Variants in RALYL observed in about 807,000 individuals in gnomAD.
The protein encoded by RALYL is RALY RNA binding protein like, also known as RNA-binding Raly-like protein.
RALYL carries 29 observed loss-of-function variants against 35.1 expected under a neutral mutation model. The ratio of observed to expected loss-of-function variants is 0.83; its 90% CI spans 0.61 to 1.13. RALYL has a LOEUF of 1.13. Among genes scored for constraint, RALYL ranks in the 50% most tolerant of loss-of-function variants. The pLI, the probability that RALYL is intolerant of heterozygous loss-of-function variation, is 0.00. For synonymous variants in RALYL, 120 were observed against 127.6 expected (o/e 0.94, Z 0.40); for missense variants, 359 against 360.4 (o/e 1.00, Z 0.03).
chr8:84,571,546 C>T lies in RALYL; in HGVS notation c.256+41969C>T, dbSNP rs374138984. Among the ~76,000 whole-genome samples the T allele has an allele frequency of 7.3e-5, 11 of 151,698 alleles. 1 individual carries two copies. The South Asian group carries it at 1.7e-3, about 23-fold the overall frequency. On this transcript the variant is annotated intron_variant, in intron 2 of 8. Coordinates refer to ENST00000521268, the MANE Select transcript of RALYL (RefSeq NM_173848.7). ...GTAGTGGTCTATCAATTTTGTTTATCCTTTCAAAGAACCAACTTTTTCTTT... is the reference window on the plus strand; with the variant it reads ...GTAGTGGTCTATCAATTTTGTTTATTCTTTCAAAGAACCAACTTTTTCTTT...
At chr8:84,189,864 A>G (rs1439432566) in intron 1 of RALYL, among the ~76,000 whole-genome samples, 1 of 152,204 alleles carries the variant, frequency 6.6e-6, no homozygotes, top group Non-Finnish European at 1.5e-5. Flanking sequence ...AAACAAAAGA[A>G]TATTGCCCCA....
chr8:84,622,763 A>G (rs1821828714), intron 2 of RALYL, among the ~76,000 whole-genome samples: 1 of 152,224 alleles, frequency 6.6e-6, no homozygotes, highest in Non-Finnish European at 1.5e-5. Flanking sequence ...GCCCATGTAG[A>G]AAATAATGGG....
chr8:84,741,940 A>ATT (rs549966342), intron 2 of RALYL, among the ~76,000 whole-genome samples: 9 of 146,380 alleles, frequency 6.1e-5, no homozygotes, highest in African/African-American at 2.0e-4. Context: ...TTCCAGGGCC[A>ATT]TTTTTTTTTT....
intron 1 of RALYL, among the ~76,000 whole-genome samples, chr8:84,436,512 A>C (rs2047725718): frequency 6.6e-6 from 1 of 150,640 alleles, no homozygotes; most frequent in Non-Finnish European, 1.5e-5. Flanking sequence ...AGAGGCACTA[A>C]AAAGAGAGTG....
intron 2 of RALYL, among the ~76,000 whole-genome samples, chr8:84,691,561 C>T (rs1838053902): frequency 6.6e-6 from 1 of 151,984 alleles, no homozygotes; most frequent in Non-Finnish European, 1.5e-5. Flanking sequence ...AGCACAGCCC[C>T]ATTTAATTAA....
intron 3 of RALYL, among the ~76,000 whole-genome samples, chr8:84,790,297 G>C (rs1820474454): frequency 6.6e-6 from 1 of 152,204 alleles, no homozygotes; most frequent in South Asian, 2.1e-4. Flanking sequence ...GGTGGCAAGA[G>C]AGATGAAACG....
At chr8:84,210,160 G>A (rs1563537072) in intron 1 of RALYL, among the ~76,000 whole-genome samples, 1 of 151,930 alleles carries the variant, frequency 6.6e-6, no homozygotes, top group Non-Finnish European at 1.5e-5. Flanking sequence ...TTTATATGCT[G>A]TCTAGTCTTG....
At chr8:84,620,396 G>A (rs1480861375) in intron 2 of RALYL, among the ~76,000 whole-genome samples, 1 of 151,936 alleles carries the variant, frequency 6.6e-6, no homozygotes, top group East Asian at 1.9e-4. Flanking sequence ...CGGCTCCTGA[G>A]GCTTCTGCAT....
chr8:84,223,606 C>A (rs1000347709), intron 1 of RALYL, among the ~76,000 whole-genome samples: 1 of 152,184 alleles, frequency 6.6e-6, no homozygotes, highest in African/African-American at 2.4e-5. Flanking sequence ...CACAATGCAG[C>A]ATTTTCTCTA....
chr8:84,768,744 G>C (rs1166947294), intron 2 of RALYL, among the ~76,000 whole-genome samples: 1 of 152,122 alleles, frequency 6.6e-6, no homozygotes, highest in East Asian at 1.9e-4. Context: ...ATAACTCGGC[G>C]ACCATCTGTA....
At chr8:84,526,736 G>T (rs902374887) in intron 1 of RALYL, among the ~76,000 whole-genome samples, 5 of 152,272 alleles carry the variant, frequency 3.3e-5, no homozygotes, top group African/African-American at 9.6e-5. Flanking sequence ...ACTCAGTAGG[G>T]TCACTGTCTC....
At chr8:84,325,141 T>G (rs1187183990) in intron 1 of RALYL, among the ~76,000 whole-genome samples, 1 of 152,136 alleles carries the variant, frequency 6.6e-6, no homozygotes, top group Non-Finnish European at 1.5e-5. Flanking sequence ...GGTCACCAAG[T>G]CCACTTTTAC....
chr8:84,675,282 G>A (rs1486803387), intron 2 of RALYL, among the ~76,000 whole-genome samples: 1 of 151,970 alleles, frequency 6.6e-6, no homozygotes, highest in Non-Finnish European at 1.5e-5. Flanking sequence ...GACTTGGGTG[G>A]TTTTGAGATT....
At chr8:84,416,157 TTTCA>T (rs1443267830) in intron 1 of RALYL, among the ~76,000 whole-genome samples, 1 of 152,210 alleles carries the variant, frequency 6.6e-6, no homozygotes, top group Non-Finnish European at 1.5e-5. Flanking sequence ...ATTCACTATT[TTTCA>T]TTCATTCAAC....
chr8:84,377,752 A>C (rs921917464), intron 1 of RALYL, among the ~76,000 whole-genome samples: 1 of 151,840 alleles, frequency 6.6e-6, no homozygotes, highest in Non-Finnish European at 1.5e-5. Context: ...AAACCATTGA[A>C]AATTCAGAAT....
chr8:84,807,525 G>C (rs1586430782), intron 4 of RALYL, among the ~76,000 whole-genome samples: 1 of 152,200 alleles, frequency 6.6e-6, no homozygotes, highest in East Asian at 1.9e-4. Context: ...CCTCTGGGTG[G>C]ATACCCAGAG....
chr8:84,588,253 AC>A (rs917974444), intron 2 of RALYL, among the ~76,000 whole-genome samples: 19 of 152,194 alleles, frequency 1.2e-4, no homozygotes, highest in African/African-American at 4.3e-4. Flanking sequence ...TTCCCCTGTC[AC>A]CTTTTTGCCA....
chr8:84,830,786 T>C (rs1029059504), intron 4 of RALYL, among the ~76,000 whole-genome samples: 4 of 152,164 alleles, frequency 2.6e-5, no homozygotes, highest in Admixed American at 6.5e-5. Flanking sequence ...ATAAGGTTTT[T>C]TTCTAGAAAC....
chr8:84,489,393 C>T (rs372043628), intron 1 of RALYL, among the ~76,000 whole-genome samples: 8 of 152,026 alleles, frequency 5.3e-5, no homozygotes, highest in Admixed American at 1.3e-4. Flanking sequence ...AGATCTAAGA[C>T]GAATGTTTAG....
Sources: allele counts gnomAD v4.1 joint callset (sites outside exome capture counted in the v4.1 genomes callset), GRCh38; gene constraint gnomAD v4.1.1; transcripts MANE v1.5; gene names NCBI Gene and HGNC (gene_info 2026-07-23, HGNC 2026-07-21).